The following MSH3 variants were observed in gnomAD, a reference collection of about 807,000 sequenced individuals.
The protein encoded by MSH3 is DNA mismatch repair protein Msh3.
In MSH3, 106 loss-of-function variants were observed where a neutral mutation model predicts 123.3. That is an observed-to-expected ratio of 0.86 (90% confidence interval 0.73 to 1.01). MSH3 has a LOEUF of 1.01. Ranked by LOEUF, MSH3 falls within the 50% of genes least tolerant of loss-of-function variation. The probability of loss-of-function intolerance (pLI) is 0.00; values close to 1 mark genes in which losing one functional copy is unlikely to be tolerated. For missense variants in MSH3, 1,459 were observed against 1,347.6 expected (o/e 1.08, Z -1.29); for synonymous variants, 515 against 481.4 (o/e 1.07, Z -0.91).
chr5:80,869,499 C>T (rs566902431), intron 22 of MSH3, among the ~76,000 whole-genome samples: 1 of 151,976 alleles, frequency 6.6e-6, no homozygotes, highest in Non-Finnish European at 1.5e-5. Context: ...CAACCCCTCT[C>T]GCACACAGAG....
intron 20 of MSH3, among the ~76,000 whole-genome samples, chr5:80,843,780 C>T (rs1311790775): frequency 6.6e-6 from 1 of 151,938 alleles, no homozygotes; most frequent in Admixed American, 6.6e-5. Context: ...TTGCGTCTAT[C>T]TGATTCTTCT....
In MSH3 at chr5:80,813,651, A is replaced by C. The variant is rs778661757; in HGVS notation, c.2723A>C (p.Gln908Pro). 2 of 1,614,056 alleles carry C rather than the reference A, an allele frequency of 1.2e-6. No individual in the cohort carries two copies. The highest frequency in any genetic ancestry group is 1.7e-6 in the Non-Finnish European group (2 of 1,180,026). ...GGTGGAAAGAGCTCCTACATAAAAC[A>C]AGTTGCATTGATTACCATCATGGCT... ...NMGGKSSYIK[Q>P]VALITIMAQI... The change falls in exon 20 of 24, where the codon CAA becomes CCA. Residue 908 changes from glutamine to proline, a missense_variant. Gln to Pro is a moderately conservative substitution (Grantham distance 76, BLOSUM62 -1). Transcript: ENST00000265081.
chr5:80,868,880 C>T (rs1237464070), intron 22 of MSH3, among the ~76,000 whole-genome samples: 1 of 151,988 alleles, frequency 6.6e-6, no homozygotes, highest in Admixed American at 6.6e-5. Flanking sequence ...AAGCAGTGCT[C>T]CACTGCCTGC....
chr5:80,852,856 C>G lies in MSH3; in HGVS notation c.2814-1274C>G, dbSNP rs149600060. Among the ~76,000 whole-genome samples, 26 of 152,188 alleles carry G rather than the reference C, an allele frequency of 1.7e-4. No homozygotes were observed. The East Asian group carries it at 4.5e-3, about 26-fold the overall frequency. ...AAAGGTACATTATGGTGCTGTAGGTCAAATGTGAAGTATGTGTCCTATTTT... is the reference window on the plus strand; with the variant it reads ...AAAGGTACATTATGGTGCTGTAGGTGAAATGTGAAGTATGTGTCCTATTTT... On this transcript the variant is annotated intron_variant, in intron 20 of 23. Coordinates refer to ENST00000265081, the MANE Select transcript of MSH3 (RefSeq NM_002439.5).
intron 10 of MSH3, among the ~76,000 whole-genome samples, chr5:80,740,633 T>C (rs1743595788): frequency 6.6e-6 from 1 of 152,148 alleles, no homozygotes. Flanking sequence ...GTGGTGGGAT[T>C]ACAGGCGTGA....
intron 14 of MSH3, 25 bp from the exon 15 acceptor site, chr5:80,768,810 G>A (rs1300602675): frequency 6.4e-7 from 1 of 1,566,012 alleles, no homozygotes; most frequent in Non-Finnish European, 8.8e-7. Flanking sequence ...CTTCGAATAT[G>A]TATTTGCATG....
intron 2 of MSH3, among the ~76,000 whole-genome samples, chr5:80,662,972 C>T (rs1191918889): frequency 1.3e-5 from 2 of 152,138 alleles, no homozygotes; most frequent in Non-Finnish European, 2.9e-5. Context: ...CAGTGGCTCA[C>T]ATCTGTATTC....
At chr5:80,736,584 A>G (rs1743512963) in intron 10 of MSH3, among the ~76,000 whole-genome samples, 1 of 152,096 alleles carries the variant, frequency 6.6e-6, no homozygotes, top group Non-Finnish European at 1.5e-5. Flanking sequence ...GAGAGTTTTC[A>G]CCATTTCGTG....
intron 20 of MSH3, among the ~76,000 whole-genome samples, chr5:80,837,782 A>G (rs1424508399): frequency 6.6e-6 from 1 of 152,222 alleles, no homozygotes; most frequent in African/African-American, 2.4e-5. Flanking sequence ...TCATGACCCC[A>G]GACACAGCTT....
At position 80,767,960 on chromosome 5, in the gene MSH3, G is replaced by A. The variant is rs1744150383; in HGVS notation, c.1924G>A (p.Val642Ile). 6.2e-7 allele frequency: 1 copy of A among 1,612,364 alleles called. No homozygotes were observed. The highest frequency in any genetic ancestry group is 8.5e-7 in the Non-Finnish European group (1 of 1,178,762). ...KCSTQEFFLI[V>I]KTLYHLKSEF... ...TTCTACCCAAGAGTTCTTCTTGATT[G>A]TCAAAACTTTATATCACCTAAAGTC... Residue 642 changes from valine (V) to isoleucine (I), a missense_variant, in exon 14 of 24, where the codon GTC becomes ATC. Physicochemically the swap from Val to Ile is conservative, Grantham distance 29. Coordinates refer to ENST00000265081, the MANE Select transcript of MSH3 (RefSeq NM_002439.5).
At chr5:80,833,118 A>G (rs947035781) in intron 20 of MSH3, among the ~76,000 whole-genome samples, 2 of 152,182 alleles carry the variant, frequency 1.3e-5, no homozygotes, top group Admixed American at 1.3e-4. Context: ...TTGTTGACCT[A>G]TATAAGGGTT....
chr5:80,693,022 G>T (rs1414958588), intron 8 of MSH3, among the ~76,000 whole-genome samples: 9 of 125,762 alleles, frequency 7.2e-5, no homozygotes, highest in East Asian at 4.5e-4. Context: ...TATATGTTTA[G>T]ATAAATATAC....
intron 2 of MSH3, among the ~76,000 whole-genome samples, chr5:80,664,152 A>G (rs1749510616): frequency 6.6e-6 from 1 of 152,234 alleles, no homozygotes; most frequent in African/African-American, 2.4e-5. Flanking sequence ...TGATCTTGTT[A>G]GAGGAACACA....
chr5:80,707,362 T>C (rs1395121984), intron 8 of MSH3, among the ~76,000 whole-genome samples: 1 of 152,230 alleles, frequency 6.6e-6, no homozygotes, highest in Non-Finnish European at 1.5e-5. Context: ...GATCTATATT[T>C]TCATTTTCTT....
intron 20 of MSH3, among the ~76,000 whole-genome samples, chr5:80,840,926 T>G (rs1231897773): frequency 1.3e-5 from 2 of 151,664 alleles, no homozygotes; most frequent in South Asian, 4.2e-4. Flanking sequence ...TTTAATATAC[T>G]TTAAGTTCTA....
In MSH3 at chr5:80,719,618, A is replaced by G. The variant is rs114446069; in HGVS notation, c.1341-5835A>G. 6.8e-3 allele frequency among the ~76,000 whole-genome samples: 1,037 copies of G among 152,312 alleles called. 11 individuals carry two copies. Among genetic ancestry groups the G allele is most frequent in the African/African-American group, 0.022 (932 of 41,564 alleles). On this transcript the variant is annotated intron_variant, in intron 8 of 23. Coordinates refer to ENST00000265081, the MANE Select transcript of MSH3 (RefSeq NM_002439.5). ...TTACTGAATCTATGTTATTAAAATT[A>G]TATATTATAAAATGCCATTGCATTT...
At chr5:80,710,870 T>C (rs1750843705) in intron 8 of MSH3, among the ~76,000 whole-genome samples, 1 of 152,218 alleles carries the variant, frequency 6.6e-6, no homozygotes, top group Admixed American at 6.5e-5. Flanking sequence ...AGCCCTTGAC[T>C]TCTCTGCCAT....
chr5:80,769,087 A>G (rs1280568774), intron 15 of MSH3, 84 bp downstream of exon 15: 1 of 1,236,640 alleles, frequency 8.1e-7, no homozygotes, highest in African/African-American at 1.5e-5. Context: ...ATCTGAGGAT[A>G]GGATATGTAT....
chr5:80,823,923 A>G (rs962063652), intron 20 of MSH3, among the ~76,000 whole-genome samples: 5 of 152,174 alleles, frequency 3.3e-5, no homozygotes, highest in African/African-American at 9.6e-5. Context: ...GCCTTCAAGC[A>G]TCTGTTTAAC....
Sources: gnomAD v4.1 joint callset for allele counts (sites outside exome capture counted in the v4.1 genomes callset) on GRCh38, gnomAD v4.1.1 for gene constraint, MANE v1.5 for transcripts, NCBI Gene and HGNC (gene_info 2026-07-23, HGNC 2026-07-21) for gene names.